SMURF2: variants seen among roughly 807,000 people sequenced by gnomAD.
SMURF2 encodes the protein SMAD specific E3 ubiquitin protein ligase 2.
A neutral mutation model predicts 109.6 loss-of-function variants in SMURF2; 48 were observed. The ratio of observed to expected loss-of-function variants is 0.44; its 90% CI spans 0.35 to 0.56. The LOEUF (loss-of-function observed/expected upper bound fraction) is 0.56, where lower values mean the gene tolerates loss of function less well. SMURF2 is among the 20% of genes least tolerant of loss of function. The pLI, the probability that SMURF2 is intolerant of heterozygous loss-of-function variation, is 0.01. For missense variants in SMURF2, 575 were observed against 909.0 expected (o/e 0.63, Z 4.72); for synonymous variants, 288 against 317.1 (o/e 0.91, Z 0.97).
rs1228137908 is a variant in SMURF2, at chr17:64,547,346, A to G, written c.2071+254T>C. On this transcript the variant is annotated intron_variant, in intron 17 of 18. Coordinates refer to ENST00000262435, the MANE Select transcript of SMURF2 (RefSeq NM_022739.4). The surrounding 1 kb of genome is among the most constrained non-coding windows in gnomAD (Gnocchi z 4.2). The stretch of plus-strand genomic sequence containing the variant: ...AGAATTAAAAGTAAGGTGACCAGAA[A>G]ACAAAGGCAGAGCATCACCACGTAC... 6.6e-6 allele frequency among the ~76,000 whole-genome samples: 1 copy of G among 152,212 alleles called. No individual in the cohort carries two copies. The highest frequency in any genetic ancestry group is 2.4e-5 in the African/African-American group (1 of 41,446).
intron 8 of SMURF2, among the ~76,000 whole-genome samples, chr17:64,579,870 A>G (rs1969555237): frequency 6.6e-6 from 1 of 152,240 alleles, no homozygotes; most frequent in African/African-American, 2.4e-5. Context: ...ACTCAAGCCT[A>G]TAATTTAATG....
chr17:64,604,289 C>T (rs1969939593), intron 2 of SMURF2, among the ~76,000 whole-genome samples: 1 of 152,158 alleles, frequency 6.6e-6, no homozygotes, highest in Admixed American at 6.5e-5. Context: ...TAAAGATAAT[C>T]ACACTGTTTC....
At chr17:64,630,799 T>C (rs560585522) in intron 1 of SMURF2, among the ~76,000 whole-genome samples, 10 of 152,302 alleles carry the variant, frequency 6.6e-5, no homozygotes, top group South Asian at 2.1e-4. Flanking sequence ...CTGTCCTTTA[T>C]ATCATTGCGG....
Position 64,579,533 on chromosome 17 carries a change from T to C in SMURF2, c.773-957A>G, listed in dbSNP as rs568065069. ...ATTTTTATGTTTTGGTTGTACAGTT[T>C]TTAAAATTCAAATCACAGAAATATT... On this transcript the variant is annotated intron_variant, in intron 8 of 18. Coordinates refer to ENST00000262435, the MANE Select transcript of SMURF2 (RefSeq NM_022739.4). Among the ~76,000 whole-genome samples, 29 of 152,322 alleles carry C rather than the reference T, an allele frequency of 1.9e-4. No homozygotes were observed. The South Asian group carries it at 5.6e-3, about 29-fold the overall frequency.
chr17:64,650,330 C>T (rs781825886), intron 1 of SMURF2, among the ~76,000 whole-genome samples: 6 of 138,908 alleles, frequency 4.3e-5, no homozygotes, highest in Admixed American at 7.1e-5. Flanking sequence ...CACCATCACA[C>T]GGGTTTTTTG....
intron 16 of SMURF2, among the ~76,000 whole-genome samples, chr17:64,550,089 C>T (rs1294752758): frequency 1.3e-5 from 2 of 152,188 alleles, no homozygotes; most frequent in African/African-American, 4.8e-5. Flanking sequence ...TCAACCTTAT[C>T]GGCATTCCTG....
In SMURF2 at chr17:64,547,310, G is replaced by C. The variant is rs1265767705; in HGVS notation, c.2071+290C>G. The stretch of plus-strand genomic sequence containing the variant: ...ATGGAAGTGAACGACTTCCCTACAG[G>C]AATGTGCAACAGAATTAAAAGTAAG... On this transcript the variant is annotated intron_variant, in intron 17 of 18. Coordinates refer to ENST00000262435, the MANE Select transcript of SMURF2 (RefSeq NM_022739.4). The surrounding 1 kb of genome is among the most constrained non-coding windows in gnomAD (Gnocchi z 4.2). Among the ~76,000 whole-genome samples, 1 of 152,160 alleles carries C rather than the reference G, an allele frequency of 6.6e-6. No individual in the cohort carries two copies. Among genetic ancestry groups the C allele is most frequent in the Non-Finnish European group, 1.5e-5 (1 of 68,046 alleles).
At chr17:64,659,849 G>A (rs1970751790) in intron 1 of SMURF2, among the ~76,000 whole-genome samples, 1 of 152,086 alleles carries the variant, frequency 6.6e-6, no homozygotes, top group African/African-American at 2.4e-5. Flanking sequence ...AACCAAAGAA[G>A]GAAGGACAAT....
intron 10 of SMURF2, among the ~76,000 whole-genome samples, chr17:64,566,561 G>GTTTGGTTTTTTTTTT (rs1969305868): frequency 6.8e-5 from 3 of 43,804 alleles, no homozygotes; most frequent in African/African-American, 2.3e-4. Context: ...AAGCTTTCTG[G>GTTTGGTTTTTTTTTT]TTTTTTTTTT....
chr17:64,633,220 T>G (rs922463999), intron 1 of SMURF2, among the ~76,000 whole-genome samples: 1 of 152,186 alleles, frequency 6.6e-6, no homozygotes, highest in Non-Finnish European at 1.5e-5. Flanking sequence ...CAGTGAGCCA[T>G]GATCATATCA....
chr17:64,592,380 ACCCTGTCAG>A (rs1396029132), intron 4 of SMURF2, among the ~76,000 whole-genome samples: 1 of 152,164 alleles, frequency 6.6e-6, no homozygotes, highest in Non-Finnish European at 1.5e-5. Context: ...ACTGTTGGTT[ACCCTGTCAG>A]CCCAGAAATA....
chr17:64,645,656 TC>T (rs1257254305), intron 1 of SMURF2, among the ~76,000 whole-genome samples: 1 of 152,172 alleles, frequency 6.6e-6, no homozygotes, highest in Admixed American at 6.5e-5. Flanking sequence ...GTTTTTAAAT[TC>T]AAGACAGGGT....
chr17:64,584,703 AAAAG>A (rs1969628748), intron 6 of SMURF2, among the ~76,000 whole-genome samples: 1 of 152,162 alleles, frequency 6.6e-6, no homozygotes, highest in Admixed American at 6.5e-5. Flanking sequence ...AATTTAATGA[AAAAG>A]AGCCAAATGA....
chr17:64,559,383 C>G (rs1969176419), intron 12 of SMURF2, among the ~76,000 whole-genome samples: 1 of 152,004 alleles, frequency 6.6e-6, no homozygotes, highest in South Asian at 2.1e-4. Context: ...ATCACAAGGT[C>G]AGGAGATTGA....
chr17:64,558,880 T>C (rs1401721003), intron 12 of SMURF2, among the ~76,000 whole-genome samples: 2 of 152,236 alleles, frequency 1.3e-5, no homozygotes, highest in Non-Finnish European at 2.9e-5. Flanking sequence ...GTTATTTAAA[T>C]GATATATTTT....
Position 64,601,835 on chromosome 17 carries a change from G to GGT in SMURF2, c.92-3347_92-3346dup, listed in dbSNP as rs546731309. ...AATCAACGAGTGGGTAAAGAAATGT[G>GGT]GTGTGTGTGTGTGTGTATATGTGTG... is the stretch of plus-strand genomic sequence containing the variant. On this transcript the variant is annotated intron_variant, in intron 2 of 18. Coordinates refer to ENST00000262435, the MANE Select transcript of SMURF2 (RefSeq NM_022739.4). Among the ~76,000 whole-genome samples the GGT allele has an allele frequency of 5.5e-3, 814 of 149,000 alleles. 3 individuals are homozygous for GGT. Among genetic ancestry groups the GGT allele is most frequent in the African/African-American group, 0.015 (618 of 40,726 alleles).
intron 12 of SMURF2, among the ~76,000 whole-genome samples, chr17:64,561,189 A>G (rs575078970): frequency 6.6e-6 from 1 of 152,274 alleles, no homozygotes; most frequent in Admixed American, 6.5e-5. Context: ...GTTATATATC[A>G]TTTAAATCTC....
rs782157707 is a variant in SMURF2, at chr17:64,561,555, G to T, written c.1261C>A (p.Arg421=). The change falls in exon 12 of 19, where the codon CGA becomes AGA. Residue 421 remains arginine (R), a synonymous_variant. Transcript: ENST00000262435. ...TCTCCACGAAATTTTATCATTAATC[G>T]CTTCCAGAGATCTTTTGGTCTCATT... is the stretch of plus-strand genomic sequence containing the variant. The part of the protein sequence containing the change: ...MKMRPKDLWK[R]LMIKFRGEEG... 1.2e-5 allele frequency: 20 copies of T among 1,613,494 alleles called. No homozygotes were observed. In the East Asian group the frequency reaches 4.0e-4, roughly 32 times the overall value.
chr17:64,642,657 T>A (rs1198653233), intron 1 of SMURF2, among the ~76,000 whole-genome samples: 1 of 152,204 alleles, frequency 6.6e-6, no homozygotes, highest in African/African-American at 2.4e-5. Flanking sequence ...TTTAAAACTT[T>A]CATTCATTTA....
Sources: allele counts gnomAD v4.1 joint callset (sites outside exome capture counted in the v4.1 genomes callset), GRCh38; gene constraint gnomAD v4.1.1; non-coding constraint Gnocchi (gnomAD v3.1); transcripts MANE v1.5; gene names NCBI Gene and HGNC (gene_info 2026-07-23, HGNC 2026-07-21).